The following EXOSC4 variants were observed in gnomAD, a reference collection of about 807,000 sequenced individuals.
The protein encoded by EXOSC4 is exosome component 4.
In EXOSC4, 14 loss-of-function variants were observed where a neutral mutation model predicts 20.0. The observed-to-expected ratio is 0.70, with a 90% CI of 0.46 to 1.09. EXOSC4 has a LOEUF of 1.09. Ranked by LOEUF, EXOSC4 falls within the 50% of genes least tolerant of loss-of-function variation. The probability of loss-of-function intolerance (pLI) is 0.00; values close to 1 mark genes in which losing one functional copy is unlikely to be tolerated. For missense variants in EXOSC4, 337 were observed against 334.0 expected, an observed-to-expected ratio of 1.01 and a Z score of -0.07; for synonymous variants, 148 against 146.4, an observed-to-expected ratio of 1.01 and a Z score of -0.08.
chr8:144,064,928 G>A, the EXOSC4 span, among the ~76,000 whole-genome samples: 6 of 144,484 alleles, frequency 4.2e-5, no homozygotes, highest in South Asian at 1.4e-3. Flanking sequence ...TGCAAGCTCC[G>A]CCTCCCAGGT....
At chr8:144,074,609 G>A (rs1554762513), upstream of EXOSC4, among the ~76,000 whole-genome samples, 1 of 152,058 alleles carries the variant, frequency 6.6e-6, no homozygotes, top group African/African-American at 2.4e-5. Flanking sequence ...TGGCTCTGTG[G>A]TATGGGCAGG....
chr8:144,078,837 G>A lies in EXOSC4; in HGVS notation c.109G>A (p.Gly37Ser). 6.3e-7 allele frequency: 1 copy of A among 1,580,310 alleles called. No homozygotes were observed. The highest frequency in any genetic ancestry group is 8.6e-7 in the Non-Finnish European group (1 of 1,166,032). Residue 37 changes from glycine (G) to serine (S), a missense_variant, in exon 1 of 3, where the codon GGC becomes AGC. Coordinates refer to ENST00000316052, the MANE Select transcript of EXOSC4 (RefSeq NM_019037.3). The surrounding 1 kb of genome is among the most constrained non-coding windows in gnomAD (Gnocchi z 4.7). Reference protein sequence around the residue: ...ARMGVFAQADGSAYIEQGNTK... With the variant: ...ARMGVFAQADSSAYIEQGNTK... ...GATGGGCGTGTTCGCGCAGGCTGACGGCTCGGCCTACATTGAGCAGGGCAA... is the reference window on the plus strand; with the variant it reads ...GATGGGCGTGTTCGCGCAGGCTGACAGCTCGGCCTACATTGAGCAGGGCAA...
At chr8:144,079,460 C>T (rs111909817) in intron 1 of EXOSC4, 4 of 325,136 alleles carry the variant, frequency 1.2e-5, no homozygotes, top group African/African-American at 4.3e-5. Flanking sequence ...GCTTTCCAGG[C>T]GGAGGGAACC....
chr8:144,071,913 G>A, the EXOSC4 span, among the ~76,000 whole-genome samples: 2 of 152,232 alleles, frequency 1.3e-5, no homozygotes, highest in East Asian at 1.9e-4. Flanking sequence ...CCAGGAGGTC[G>A]AGGCTGCAGA....
chr8:144,078,581 G>C, upstream of EXOSC4: 1 of 877,248 alleles, frequency 1.1e-6, no homozygotes, highest in Non-Finnish European at 1.6e-6. The surrounding 1 kb of genome is among the most constrained non-coding windows in gnomAD (Gnocchi z 4.7). Context: ...ACGGAGGTCA[G>C]GGCCGCGGAG....
chr8:144,066,106 T>C, the EXOSC4 span, among the ~76,000 whole-genome samples: 1 of 151,680 alleles, frequency 6.6e-6, no homozygotes, highest in Non-Finnish European at 1.5e-5. Flanking sequence ...AAGCTCTGCC[T>C]CCCGGATTCA....
chr8:144,065,942 G>A, the EXOSC4 span, among the ~76,000 whole-genome samples: 75 of 150,296 alleles, frequency 5.0e-4, 1 homozygote, highest in African/African-American at 1.8e-3. Context: ...CCAAGTAGCT[G>A]GGACCACAGA....
chr8:144,074,128 C>T (rs1835815336), upstream of EXOSC4, among the ~76,000 whole-genome samples: 1 of 152,214 alleles, frequency 6.6e-6, no homozygotes, highest in South Asian at 2.1e-4. Flanking sequence ...GTCCCACAGC[C>T]CCTTCCCGGC....
the EXOSC4 span, among the ~76,000 whole-genome samples, chr8:144,073,527 G>A: frequency 2.6e-5 from 4 of 151,902 alleles, no homozygotes; most frequent in East Asian, 1.9e-4. Flanking sequence ...CCAAGCTTTC[G>A]GAATGTCTTA....
chr8:144,067,175 T>C, the EXOSC4 span, among the ~76,000 whole-genome samples: 2 of 152,238 alleles, frequency 1.3e-5, no homozygotes, highest in Non-Finnish European at 2.9e-5. Context: ...TAAAGCGTGA[T>C]AGGCAGAATT....
chr8:144,069,022 G>A, the EXOSC4 span, among the ~76,000 whole-genome samples: 19 of 152,384 alleles, frequency 1.2e-4, no homozygotes, highest in African/African-American at 3.8e-4. Context: ...CCTAAGGTGC[G>A]TGGCAGGCTG....
chr8:144,076,387 G>A (rs144470254), upstream of EXOSC4, among the ~76,000 whole-genome samples: 81 of 152,216 alleles, frequency 5.3e-4, no homozygotes, highest in African/African-American at 1.6e-3. Flanking sequence ...CTAGCAAATC[G>A]GTTACTCTGG....
At chr8:144,079,457 A>T in intron 1 of EXOSC4, 1 of 327,438 alleles carries the variant, frequency 3.1e-6, no homozygotes, top group Admixed American at 4.5e-5. Flanking sequence ...TCTGCTTTCC[A>T]GGCGGAGGGA....
At chr8:144,077,348 C>G (rs1835845347), upstream of EXOSC4, among the ~76,000 whole-genome samples, 1 of 152,188 alleles carries the variant, frequency 6.6e-6, no homozygotes, top group Non-Finnish European at 1.5e-5. Context: ...CCACAATAAG[C>G]AGAGTGGCTG....
chr8:144,067,614 C>T, the EXOSC4 span, among the ~76,000 whole-genome samples: 1 of 152,160 alleles, frequency 6.6e-6, no homozygotes, highest in Non-Finnish European at 1.5e-5. Flanking sequence ...GACCAGAAGA[C>T]TCAAAGTCAG....
chr8:144,075,514 C>G (rs916440894), upstream of EXOSC4, among the ~76,000 whole-genome samples: 3 of 152,206 alleles, frequency 2.0e-5, no homozygotes, highest in African/African-American at 7.2e-5. Context: ...GCGTGAGCCA[C>G]CGCGCCCGGC....
upstream of EXOSC4, among the ~76,000 whole-genome samples, chr8:144,074,715 C>T (rs868954463): frequency 2.6e-5 from 4 of 152,054 alleles, no homozygotes; most frequent in Admixed American, 1.3e-4. Flanking sequence ...GAACTACAGG[C>T]GTGTGCCACC....
chr8:144,078,609 A>C (rs1415577144), upstream of EXOSC4: 37 of 1,093,524 alleles, frequency 3.4e-5, no homozygotes, highest in Admixed American at 4.1e-5. This position sits in a 1 kb window ranked among gnomAD's most constrained non-coding sequence, Gnocchi z 4.7. Flanking sequence ...GTTCCCCGGA[A>C]CCGGAAGTGA....
Position 144,079,960 on chromosome 8 carries a change from T to C in EXOSC4, c.189T>C (p.Ala63=). The C allele has an allele frequency of 6.2e-7, 1 of 1,614,056 alleles. No individual in the cohort carries two copies. Among genetic ancestry groups the C allele is most frequent in the Non-Finnish European group, 8.5e-7 (1 of 1,180,032 alleles). The part of the protein sequence containing the change: ...YGPHEIRGSR[A]RALPDRALVN... ...TCTTCCAGATCCGGGGCTCCCGGGC[T>C]CGAGCCCTGCCGGACAGGGCCCTAG... The change falls in exon 2 of 3, where the codon GCT becomes GCC. Residue 63 remains alanine, a synonymous_variant. Coordinates refer to ENST00000316052, the MANE Select transcript of EXOSC4 (RefSeq NM_019037.3).
Sources: gnomAD v4.1 joint callset for allele counts (sites outside exome capture counted in the v4.1 genomes callset) on GRCh38, gnomAD v4.1.1 for gene constraint, Gnocchi (gnomAD v3.1) non-coding constraint, MANE v1.5 for transcripts, NCBI Gene and HGNC (gene_info 2026-07-23, HGNC 2026-07-21) for gene names.